Variants in EPB41L4B observed in about 807,000 individuals in gnomAD.
EPB41L4B encodes band 4.1-like protein 4B.
A neutral mutation model predicts 112.5 loss-of-function variants in EPB41L4B; 30 were observed. That is an observed-to-expected ratio of 0.27 (90% CI 0.20 to 0.36). EPB41L4B has a LOEUF of 0.36. Ranked by LOEUF, EPB41L4B falls within the 10% of genes least tolerant of loss-of-function variation. The pLI is 1.00. For synonymous variants in EPB41L4B, 408 were observed against 439.7 expected (o/e 0.93, Z 0.90); for missense variants, 1,024 against 1,133.3 (o/e 0.90, Z 1.38).
At chr9:109,291,103 C>A (rs1174986843) in intron 1 of EPB41L4B, among the ~76,000 whole-genome samples, 1 of 152,084 alleles carries the variant, frequency 6.6e-6, no homozygotes, top group Non-Finnish European at 1.5e-5. Context: ...GACCCCATTT[C>A]GCAGATGAGA....
intron 1 of EPB41L4B, among the ~76,000 whole-genome samples, chr9:109,312,268 A>G (rs1489074499): frequency 6.6e-6 from 1 of 152,182 alleles, no homozygotes; most frequent in African/African-American, 2.4e-5. Flanking sequence ...GGAATATGAA[A>G]ATGTTTTTCT....
At chr9:109,297,415 GC>G in intron 1 of EPB41L4B, among the ~76,000 whole-genome samples, 1 of 152,302 alleles carries the variant, frequency 6.6e-6, no homozygotes, top group African/African-American at 2.4e-5. Context: ...TTGAAGCTGG[GC>G]TCCACTACTT....
At chr9:109,226,695 T>TATGAAGAATATATATATGAA (rs1554750182) in intron 15 of EPB41L4B, among the ~76,000 whole-genome samples, 1 of 113,792 alleles carries the variant, frequency 8.8e-6, no homozygotes, top group African/African-American at 3.1e-5. Flanking sequence ...AATATATATA[T>TATGAAGAATATATATATGAA]GAATATATAT....
At chr9:109,281,133 T>C (rs1299301262) in intron 1 of EPB41L4B, among the ~76,000 whole-genome samples, 1 of 152,028 alleles carries the variant, frequency 6.6e-6, no homozygotes, top group Non-Finnish European at 1.5e-5. Flanking sequence ...AGACTTTTTT[T>C]TTTTTTTTTG....
intron 6 of EPB41L4B, 141 bp from the exon 7 acceptor site, chr9:109,258,438 T>A: frequency 1.2e-6 from 1 of 805,232 alleles, no homozygotes; most frequent in Non-Finnish European, 1.9e-6. Context: ...TCGGGAAGAC[T>A]TAACTCTCAC....
chr9:109,305,058 T>G (rs1837124107), intron 1 of EPB41L4B, among the ~76,000 whole-genome samples: 1 of 152,008 alleles, frequency 6.6e-6, no homozygotes, highest in African/African-American at 2.4e-5. Flanking sequence ...TTGCAAAAAC[T>G]AAAAAGGTCA....
intron 22 of EPB41L4B, among the ~76,000 whole-genome samples, chr9:109,192,004 G>A (rs1215021890): frequency 2.0e-5 from 3 of 152,180 alleles, no homozygotes; most frequent in East Asian, 1.9e-4. Flanking sequence ...ACAAAACACC[G>A]AGGAGCCCTA....
chr9:109,320,492 C>G lies in EPB41L4B; in HGVS notation c.-46G>C, dbSNP rs1837832662. The G allele has an allele frequency of 1.3e-6, 1 of 788,144 alleles. No homozygotes were observed. The highest frequency in any genetic ancestry group is 1.5e-6 in the Non-Finnish European group (1 of 652,846). The allele number at this position is 788,144 out of a possible 1,614,324, so 48.8% of individuals were successfully genotyped here. A position where few individuals can be genotyped will look rare whatever the true frequency, so the allele number is the denominator to read the frequency against. Reference sequence around the variant, plus strand: ...GCCTCCGCCCCCTGCGCTGCCGCTGCCGCTGCCGCTGCCGCTGCGCCGCCG... The same window carrying G: ...GCCTCCGCCCCCTGCGCTGCCGCTGGCGCTGCCGCTGCCGCTGCGCCGCCG... On this transcript the variant is annotated 5_prime_UTR_variant, in exon 1 of 26. Transcript: ENST00000374566.
chr9:109,254,094 A>G (rs1834894942), intron 11 of EPB41L4B, among the ~76,000 whole-genome samples: 1 of 152,036 alleles, frequency 6.6e-6, no homozygotes, highest in South Asian at 2.1e-4. Context: ...GCTCTTAGTC[A>G]CCATTTGTCA....
intron 6 of EPB41L4B, 74 bp downstream of exon 6, chr9:109,262,976 T>C (rs1835271854): frequency 1.9e-6 from 2 of 1,034,124 alleles, no homozygotes; most frequent in Non-Finnish European, 2.9e-6. Context: ...GGGCCTGGTA[T>C]ACTGTGGACA....
chr9:109,255,775 T>G lies in EPB41L4B; in HGVS notation c.998A>C (p.Gln333Pro). The part of the protein sequence containing the change: ...LTLVVVEDDD[Q>P]GREQEHTFVF... ...GGAAGAAATGGGAGCCAGGCCTACC[T>G]GATCATCATCCTCGACCACCACGAG... Residue 333 changes from glutamine to proline, a missense_variant and splice_region_variant, in exon 10 of 26, where the codon CAG becomes CCG. Gln to Pro is a moderately conservative substitution (Grantham distance 76, BLOSUM62 -1). Transcript: ENST00000374566. 1 of 1,613,830 alleles carries G rather than the reference T, an allele frequency of 6.2e-7. No individual in the cohort carries two copies. Among genetic ancestry groups the G allele is most frequent in the East Asian group, 2.2e-5 (1 of 44,884 alleles).
intron 15 of EPB41L4B, among the ~76,000 whole-genome samples, chr9:109,232,328 G>C (rs1044919331): frequency 3.3e-5 from 5 of 151,476 alleles, no homozygotes; most frequent in African/African-American, 1.2e-4. Context: ...TTTTTGGTGC[G>C]TCTCATTTCT....
At chr9:109,262,978 C>G (rs2119059604) in intron 6 of EPB41L4B, 72 bp downstream of exon 6, 1 of 1,058,660 alleles carries the variant, frequency 9.4e-7, no homozygotes, top group Non-Finnish European at 1.4e-6. Flanking sequence ...GCCTGGTATA[C>G]TGTGGACACT....
intron 13 of EPB41L4B, among the ~76,000 whole-genome samples, chr9:109,250,991 G>A (rs146055535): frequency 2.0e-5 from 3 of 152,358 alleles, no homozygotes; most frequent in African/African-American, 7.2e-5. Context: ...TACAGAAAAT[G>A]TTTGCTGAAT....
chr9:109,200,412 T>C, intron 19 of EPB41L4B, 78 bp from the exon 20 acceptor site: 3 of 1,076,074 alleles, frequency 2.8e-6, no homozygotes, highest in Non-Finnish European at 4.3e-6. Context: ...GACTGCTTTC[T>C]CAGTTAATGT....
At chr9:109,178,547 T>C (rs1187578529) in intron 24 of EPB41L4B, among the ~76,000 whole-genome samples, 1 of 152,100 alleles carries the variant, frequency 6.6e-6, no homozygotes, top group Non-Finnish European at 1.5e-5. Flanking sequence ...AGCTAATTTT[T>C]GTATTAGTAA....
intron 15 of EPB41L4B, among the ~76,000 whole-genome samples, chr9:109,235,986 CAGAGAACT>C (rs1006488467): frequency 6.6e-6 from 1 of 152,220 alleles, no homozygotes; most frequent in Non-Finnish European, 1.5e-5. Flanking sequence ...TTCACCTAAT[CAGAGAACT>C]ATGGGGCTCT....
intron 1 of EPB41L4B, among the ~76,000 whole-genome samples, chr9:109,303,415 G>A (rs1386937525): frequency 3.3e-5 from 5 of 151,952 alleles, no homozygotes; most frequent in African/African-American, 9.7e-5. Flanking sequence ...GCGCGATCTC[G>A]ACTCACTGCA....
chr9:109,257,166 T>A (rs536345743), intron 7 of EPB41L4B, among the ~76,000 whole-genome samples: 24 of 152,298 alleles, frequency 1.6e-4, no homozygotes, highest in African/African-American at 5.3e-4. Context: ...GAGAATGGAC[T>A]AATGCCACCT....
Sources: gnomAD v4.1 joint callset for allele counts (sites outside exome capture counted in the v4.1 genomes callset) on GRCh38, gnomAD v4.1.1 for gene constraint, MANE v1.5 for transcripts, NCBI Gene and HGNC (gene_info 2026-07-23, HGNC 2026-07-21) for gene names.